ADGRL3: variants seen among roughly 807,000 people sequenced by gnomAD.
ADGRL3 encodes calcium-independent alpha-latrotoxin receptor 3.
ADGRL3 carries 62 observed loss-of-function variants against 153.5 expected under a neutral mutation model. The observed-to-expected ratio is 0.40, with a 90% confidence interval of 0.33 to 0.50. ADGRL3 has a LOEUF of 0.50. Ranked by LOEUF, ADGRL3 falls within the 20% of genes least tolerant of loss-of-function variation. ADGRL3 has a pLI of 0.47. For missense variants in ADGRL3, 1,641 were observed against 1,859.4 expected, an observed-to-expected ratio of 0.88 and a Z score of 2.16; for synonymous variants, 710 against 672.5, an observed-to-expected ratio of 1.06 and a Z score of -0.86.
intron 25 of ADGRL3, among the ~76,000 whole-genome samples, chr4:62,053,593 T>A (rs2151786827): frequency 6.6e-6 from 1 of 151,644 alleles, no homozygotes; most frequent in South Asian, 2.1e-4. Context: ...AGGAAGATAG[T>A]CAATCTTGAT....
At chr4:61,818,728 A>G (rs1012689151) in intron 9 of ADGRL3, among the ~76,000 whole-genome samples, 1 of 152,076 alleles carries the variant, frequency 6.6e-6, no homozygotes, top group Non-Finnish European at 1.5e-5. Flanking sequence ...GGTTGTCCTG[A>G]TAGATTCTAC....
intron 4 of ADGRL3, among the ~76,000 whole-genome samples, chr4:61,569,467 A>G (rs549738090): frequency 6.6e-6 from 1 of 152,226 alleles, no homozygotes; most frequent in African/African-American, 2.4e-5. Flanking sequence ...GGTGTGGTGG[A>G]GCATACCTGT....
rs545770804 is a variant in ADGRL3, at chr4:61,952,202, G to T, written c.2805+3926G>T. Among the ~76,000 whole-genome samples, 6 of 152,176 alleles carry T rather than the reference G, an allele frequency of 3.9e-5. No homozygotes were observed. The East Asian group carries it at 1.2e-3, about 30-fold the overall frequency. On this transcript the variant is annotated intron_variant, in intron 17 of 26. Coordinates refer to ENST00000683033, the MANE Select transcript of ADGRL3 (RefSeq NM_001387552.1). The stretch of plus-strand genomic sequence containing the variant: ...CCAAATAATTTCATCCAGACCAGGC[G>T]TGGTGGCTTACAGCCTGTAATCTCA...
In ADGRL3 at chr4:61,998,256, A is replaced by G. The variant is rs1271561752; in HGVS notation, c.3386A>G (p.Asp1129Gly). 11 of 1,551,574 alleles carry G rather than the reference A, an allele frequency of 7.1e-6. No homozygotes were observed. Among genetic ancestry groups the G allele is most frequent in the Non-Finnish European group, 9.6e-6 (11 of 1,144,256 alleles). The change falls in exon 21 of 27, where the codon GAT (aspartate) becomes GGT (glycine). Residue 1129 changes from aspartate to glycine, a missense_variant. Physicochemically the swap from Asp to Gly is moderately conservative, Grantham distance 94 (BLOSUM62 -1). Around this residue, in one of 5 missense-constraint regions of ADGRL3, gnomAD observed 517 missense variants for 555.0 expected, o/e 0.93. Transcript: ENST00000683033. Reference protein sequence around the residue: ...AILKPESGCLDNINYEDNRPF... With the variant: ...AILKPESGCLGNINYEDNRPF... ...CTGAAACCTGAATCAGGCTGTCTTGATAACATCAAGTAAGTGATTTTTATT... is the reference window on the plus strand; with the variant it reads ...CTGAAACCTGAATCAGGCTGTCTTGGTAACATCAAGTAAGTGATTTTTATT...
chr4:61,486,155 A>G (rs573584290), intron 2 of ADGRL3, among the ~76,000 whole-genome samples: 236 of 152,224 alleles, frequency 1.6e-3, no homozygotes, highest in African/African-American at 5.4e-3. Flanking sequence ...TGTGTTAGCC[A>G]GGATGGTCTC....
At chr4:61,751,668 G>C in intron 8 of ADGRL3, among the ~76,000 whole-genome samples, 1 of 152,284 alleles carries the variant, frequency 6.6e-6, no homozygotes, top group Non-Finnish European at 1.5e-5. Context: ...AGAAACTTTT[G>C]CAGAGATTCT....
At chr4:61,418,413 C>T (rs1420060676) in intron 2 of ADGRL3, among the ~76,000 whole-genome samples, 1 of 142,762 alleles carries the variant, frequency 7.0e-6, no homozygotes, top group East Asian at 3.1e-4. Flanking sequence ...CCGTGAACAT[C>T]GGACATGGTT....
intron 8 of ADGRL3, among the ~76,000 whole-genome samples, chr4:61,785,321 G>T (rs1164070120): frequency 1.3e-5 from 2 of 152,080 alleles, no homozygotes; most frequent in Non-Finnish European, 2.9e-5. Context: ...TTTTTATTCT[G>T]CAGTGCTCCA....
At chr4:61,326,874 G>T (rs2095476237) in intron 1 of ADGRL3, among the ~76,000 whole-genome samples, 1 of 151,824 alleles carries the variant, frequency 6.6e-6, no homozygotes, top group Admixed American at 6.6e-5. Flanking sequence ...TAATGCTTGA[G>T]TAGTTTCTTG....
At chr4:62,037,623 C>A in intron 23 of ADGRL3, 108 bp from the exon 24 acceptor site, 2 of 1,162,092 alleles carry the variant, frequency 1.7e-6, no homozygotes, top group Non-Finnish European at 2.5e-6. Context: ...ATCTGTAGGG[C>A]AAGGAAATAA....
At chr4:61,941,339 G>A (rs1459369915) in intron 15 of ADGRL3, among the ~76,000 whole-genome samples, 1 of 113,350 alleles carries the variant, frequency 8.8e-6, no homozygotes, top group Non-Finnish European at 1.7e-5. Context: ...CTGTAGCCTT[G>A]TAGTATAGTT....
At chr4:61,698,454 AAACAACAAC>A (rs567818894) in intron 6 of ADGRL3, among the ~76,000 whole-genome samples, 2 of 151,770 alleles carry the variant, frequency 1.3e-5, no homozygotes, top group Admixed American at 6.6e-5. Context: ...CATCTCAAAC[AAACAACAAC>A]AACAACAACA....
rs987083749 is a variant in ADGRL3 at position 61,711,787 on chromosome 4, A to G, written c.584-18835A>G. Among the ~76,000 whole-genome samples the G allele has an allele frequency of 9.9e-5, 15 of 152,014 alleles. 1 individual carries two copies. The highest frequency in any genetic ancestry group is 3.6e-4 in the African/African-American group (15 of 41,404). Reference sequence around the variant, plus strand: ...ATCGTTGGCTGTCTGTGGTTGGCGGAGACTTCACTACTTGTAATAAGACCA... The same window carrying G: ...ATCGTTGGCTGTCTGTGGTTGGCGGGGACTTCACTACTTGTAATAAGACCA... On this transcript the variant is annotated intron_variant, in intron 6 of 26. Coordinates refer to ENST00000683033, the MANE Select transcript of ADGRL3 (RefSeq NM_001387552.1).
chr4:61,843,154 C>T (rs1363893935), intron 9 of ADGRL3, among the ~76,000 whole-genome samples: 3 of 152,086 alleles, frequency 2.0e-5, no homozygotes, highest in Admixed American at 6.6e-5. Context: ...TGATTCACTC[C>T]TCATACTATA....
At chr4:61,508,021 G>T (rs982336730) in intron 3 of ADGRL3, among the ~76,000 whole-genome samples, 1 of 152,028 alleles carries the variant, frequency 6.6e-6, no homozygotes, top group Non-Finnish European at 1.5e-5. Context: ...TTTGCATTAT[G>T]TTTACAAGGA....
chr4:61,929,906 G>A lies in ADGRL3; in HGVS notation c.2113-4934G>A, dbSNP rs1381025466. On this transcript the variant is annotated intron_variant, in intron 13 of 26. Transcript: ENST00000683033. ...ACTTGTCTGCAAGGTCAGACACAGT[G>A]GCTCACGCCTGTAATCTCAGCATTT... 5.9e-5 allele frequency among the ~76,000 whole-genome samples: 9 copies of A among 152,272 alleles called. No individual in the cohort carries two copies. The East Asian group carries it at 1.7e-3, about 29-fold the overall frequency.
At chr4:61,672,023 A>G (rs1561038542) in intron 5 of ADGRL3, among the ~76,000 whole-genome samples, 1 of 152,010 alleles carries the variant, frequency 6.6e-6, no homozygotes, top group Non-Finnish European at 1.5e-5. Flanking sequence ...CACTTGGTTA[A>G]TTGTTTTGTT....
intron 6 of ADGRL3, among the ~76,000 whole-genome samples, chr4:61,711,110 G>A (rs1463244657): frequency 6.6e-6 from 1 of 152,020 alleles, no homozygotes; most frequent in African/African-American, 2.4e-5. Context: ...GCCTAAGGGA[G>A]AACCAATCCC....
rs192328033 is a variant in ADGRL3, at chr4:61,957,193, A to C, written c.2805+8917A>C. Among the ~76,000 whole-genome samples, 3 of 152,036 alleles carry C rather than the reference A, an allele frequency of 2.0e-5. No homozygotes were observed. The East Asian group carries it at 5.8e-4, about 29-fold the overall frequency. ...AGATGGGATGTTTTTCCATTTGTTT[A>C]TGTCCTCTCTTATTTCTTTGAACAG... is the stretch of plus-strand genomic sequence containing the variant. On this transcript the variant is annotated intron_variant, in intron 17 of 26. Coordinates refer to ENST00000683033, the MANE Select transcript of ADGRL3 (RefSeq NM_001387552.1).
Sources: allele counts gnomAD v4.1 joint callset (sites outside exome capture counted in the v4.1 genomes callset), GRCh38; gene constraint gnomAD v4.1.1; regional missense constraint gnomAD v4.1.1; transcripts MANE v1.5; gene names NCBI Gene and HGNC (gene_info 2026-07-23, HGNC 2026-07-21).